Variants in DSTYK observed in about 807,000 individuals in gnomAD.
DSTYK encodes the protein dual serine/threonine and tyrosine protein kinase.
DSTYK carries 34 observed loss-of-function variants against 98.7 expected under a neutral mutation model. That is an observed-to-expected ratio of 0.34 (90% CI 0.26 to 0.46). The LOEUF (loss-of-function observed/expected upper bound fraction) is 0.46. DSTYK is among the 20% of genes least tolerant of loss of function. The pLI, the probability that DSTYK is intolerant of heterozygous loss-of-function variation, is 1.00. For missense variants in DSTYK, 962 were observed against 1,181.7 expected (o/e 0.81, Z 2.73); for synonymous variants, 462 against 457.3 (o/e 1.01, Z -0.13).
At chr1:205,163,264 G>T (rs1574759366) in intron 4 of DSTYK, among the ~76,000 whole-genome samples, 1 of 151,438 alleles carries the variant, frequency 6.6e-6, no homozygotes, top group East Asian at 1.9e-4. Flanking sequence ...TTGTCCCCCA[G>T]GCTGAAGTGC....
At chr1:205,203,925 C>CA (rs1659124981) in intron 1 of DSTYK, among the ~76,000 whole-genome samples, 1 of 151,858 alleles carries the variant, frequency 6.6e-6, no homozygotes, top group African/African-American at 2.4e-5. Context: ...AAAACAACAA[C>CA]AACAAAAACA....
chr1:205,182,867 C>A (rs1338863399), intron 2 of DSTYK, among the ~76,000 whole-genome samples: 1 of 151,608 alleles, frequency 6.6e-6, no homozygotes, highest in Non-Finnish European at 1.5e-5. Context: ...AGCCAAAAAC[C>A]AGGTCAGTAT....
chr1:205,178,595 A>G (rs1658301506), intron 2 of DSTYK, among the ~76,000 whole-genome samples: 1 of 152,214 alleles, frequency 6.6e-6, no homozygotes, highest in African/African-American at 2.4e-5. Flanking sequence ...AATTATGAAG[A>G]ACGTTCTCTC....
intron 3 of DSTYK, among the ~76,000 whole-genome samples, chr1:205,167,364 C>T (rs1657920940): frequency 6.6e-6 from 1 of 152,168 alleles, no homozygotes; most frequent in Non-Finnish European, 1.5e-5. Flanking sequence ...TGCACTACTG[C>T]ACTCCAGTCT....
intron 10 of DSTYK, among the ~76,000 whole-genome samples, chr1:205,151,224 A>AGT (rs1178706938): frequency 1.3e-5 from 2 of 152,066 alleles, no homozygotes; most frequent in Non-Finnish European, 2.9e-5. Flanking sequence ...TCAGTGAGTG[A>AGT]GTGGTGAGTG....
In DSTYK at chr1:205,207,755, C is replaced by CAAAAAAAAAAAAAA. The variant is rs766036213; in HGVS notation, c.265+3502_265+3515dup. Reference sequence around the variant, plus strand: ...TGGGCAATACAGAGAGACTCTGTCTCAAAAAAAAAAAAAAAAAAAAAAAAA... The same window carrying CAAAAAAAAAAAAAA: ...TGGGCAATACAGAGAGACTCTGTCTCAAAAAAAAAAAAAAAAAAAAAAAAAAAAAAAAAAAAAAA... On this transcript the variant is annotated intron_variant, in intron 1 of 12. Transcript: ENST00000367162. Among the ~76,000 whole-genome samples, 13 of 52,728 alleles carry CAAAAAAAAAAAAAA rather than the reference C, an allele frequency of 2.5e-4. 1 individual carries two copies. The highest frequency in any genetic ancestry group is 7.3e-4 in the African/African-American group (7 of 9,538). The allele number at this position is 52,728 out of a possible 152,430, so 34.6% of individuals were successfully genotyped here.
In DSTYK at chr1:205,150,892, A is replaced by G. The variant is rs937306900; in HGVS notation, c.2353-98T>C. ...AAGGTAGGTACCTCAAAGTAGTGTC[A>G]CTGGATAGGATTATGCTCTGAAAAT... On this transcript the variant is annotated intron_variant, in intron 10 of 12. Coordinates refer to ENST00000367162, the MANE Select transcript of DSTYK (RefSeq NM_015375.3). This position sits in a 1 kb window ranked among gnomAD's most constrained non-coding sequence, Gnocchi z 4.1. 1.1e-6 allele frequency: 1 copy of G among 888,486 alleles called. No homozygotes were observed. The highest frequency in any genetic ancestry group is 1.8e-6 in the Non-Finnish European group (1 of 540,996). 55.0% of individuals were successfully genotyped at this position (888,486 alleles called of 1,614,324 possible). A position where few individuals can be genotyped will look rare whatever the true frequency, so the allele number is the denominator to read the frequency against.
intron 1 of DSTYK, among the ~76,000 whole-genome samples, chr1:205,204,038 G>C (rs1032091829): frequency 3.9e-4 from 59 of 152,188 alleles, no homozygotes; most frequent in African/African-American, 1.3e-3. Context: ...CTGTGGTTAG[G>C]GAGGCCATTT....
At chr1:205,156,949 G>C (rs1167740154) in intron 10 of DSTYK, among the ~76,000 whole-genome samples, 1 of 152,164 alleles carries the variant, frequency 6.6e-6, no homozygotes, top group East Asian at 1.9e-4. Context: ...AATGAGATCT[G>C]ATGGTTTTGT....
intron 2 of DSTYK, among the ~76,000 whole-genome samples, chr1:205,170,794 AG>A (rs1170135130): frequency 7.2e-5 from 11 of 152,146 alleles, no homozygotes; most frequent in African/African-American, 2.7e-4. Context: ...TTTAGGGTAC[AG>A]GGGGTGGATT....
In DSTYK at chr1:205,187,694, C is replaced by G. The variant is rs772548291; in HGVS notation, c.378G>C (p.Gln126His). The G allele has an allele frequency of 1.2e-6, 2 of 1,614,208 alleles. No individual in the cohort carries two copies. Among genetic ancestry groups the G allele is most frequent in the Admixed American group, 3.3e-5 (2 of 60,028 alleles). ...ILGQDCNVKC[Q>H]LLNLLLGVQV... ...GCACCCCCAACAGCAGATTCAACAG[C>G]TGGCACTTGACGTTACAATCCTGGC... Residue 126 changes from glutamine (Q) to histidine (H), a missense_variant, in exon 2 of 13, where the codon CAG (glutamine) becomes CAC (histidine). Transcript: ENST00000367162.
intron 1 of DSTYK, among the ~76,000 whole-genome samples, chr1:205,191,480 A>G (rs967110343): frequency 2.6e-5 from 4 of 152,186 alleles, no homozygotes; most frequent in African/African-American, 9.7e-5. Context: ...GAGCCTTGAA[A>G]TGCTCGTCGG....
Position 205,162,062 on chromosome 1 carries a change from C to A in DSTYK, c.1792G>T (p.Glu598Ter), listed in dbSNP as rs763059294. Residue 598 changes from glutamate to a stop codon, truncating the protein, a stop_gained, in exon 6 of 13, where the codon GAG becomes TAG. Coordinates refer to ENST00000367162, the MANE Select transcript of DSTYK (RefSeq NM_015375.3). LOFTEE classifies it high-confidence loss of function. ...QFRTRLNSSHEAFAASLRQLE... is the reference protein window; with the variant it reads ...QFRTRLNSSH The stretch of plus-strand genomic sequence containing the variant: ...TGCCGCAAGGAGGCTGCAAAAGCCT[C>A]GTGGGAACTATTGAGCCGAGTCCGG... The A allele has an allele frequency of 6.2e-7, 1 of 1,613,846 alleles. No homozygotes were observed. Among genetic ancestry groups the A allele is most frequent in the African/African-American group, 1.3e-5 (1 of 74,912 alleles).
In DSTYK at chr1:205,209,653, A is replaced by AAATGGAACG. The variant is rs1261261135; in HGVS notation, c.265+1617_265+1618insCGTTCCATT. ...GATGACTAGTTTTTCTGAAACTACTAGTTTTTCTGATACTGTCATGATCTT... is the reference window on the plus strand; with the variant it reads ...GATGACTAGTTTTTCTGAAACTACTAAATGGAACGGTTTTTCTGATACTGTCATGATCTT... On this transcript the variant is annotated intron_variant, in intron 1 of 12. Coordinates refer to ENST00000367162, the MANE Select transcript of DSTYK (RefSeq NM_015375.3). Among the ~76,000 whole-genome samples the AAATGGAACG allele has an allele frequency of 9.4e-5, 10 of 106,752 alleles. 3 individuals carry two copies. Among genetic ancestry groups the AAATGGAACG allele is most frequent in the East Asian group, 5.6e-4 (2 of 3,574 alleles). 70.0% of individuals were successfully genotyped at this position (106,752 alleles called of 152,430 possible). A position where few individuals can be genotyped will look rare whatever the true frequency, so the allele number is the denominator to read the frequency against.
intron 1 of DSTYK, among the ~76,000 whole-genome samples, chr1:205,197,470 C>T (rs768526547): frequency 2.0e-5 from 3 of 152,016 alleles, no homozygotes; most frequent in Non-Finnish European, 4.4e-5. Context: ...TTATTGTTCT[C>T]GCAACACTTA....
intron 1 of DSTYK, 59 bp downstream of exon 1, chr1:205,211,212 G>A (rs1659363990): frequency 6.6e-7 from 1 of 1,525,502 alleles, no homozygotes; most frequent in African/African-American, 1.4e-5. Flanking sequence ...GGGCAGGGGT[G>A]CGGTCCGTCC....
intron 1 of DSTYK, chr1:205,202,120 G>GA (rs1199248303): frequency 4.2e-6 from 2 of 473,008 alleles, no homozygotes; most frequent in Admixed American, 4.4e-5. Flanking sequence ...GGGAGAAGGG[G>GA]AAGGGAAGGG....
chr1:205,166,241 C>G (rs1657886089), intron 3 of DSTYK, among the ~76,000 whole-genome samples: 1 of 150,508 alleles, frequency 6.6e-6, no homozygotes. Flanking sequence ...GTCTTTATAA[C>G]TCTGAGTTAA....
chr1:205,147,794 C>A (rs1022031941), intron 12 of DSTYK, 49 bp from the exon 13 acceptor site: 2 of 1,583,704 alleles, frequency 1.3e-6, no homozygotes, highest in Non-Finnish European at 1.7e-6. Flanking sequence ...GGACCCAGCA[C>A]AACAAAGAGG....
Sources: allele counts gnomAD v4.1 joint callset (sites outside exome capture counted in the v4.1 genomes callset), GRCh38; gene constraint gnomAD v4.1.1; non-coding constraint Gnocchi (gnomAD v3.1); transcripts MANE v1.5; gene names NCBI Gene and HGNC (gene_info 2026-07-23, HGNC 2026-07-21).